Variants in CREB5 observed in about 807,000 individuals in gnomAD.
CREB5 encodes cAMP responsive element binding protein 5, also known as cyclic AMP-responsive element-binding protein 5.
In CREB5, 19 loss-of-function variants were observed where a neutral mutation model predicts 57.1. That is an observed-to-expected ratio of 0.33 (90% CI 0.23 to 0.49). CREB5 has a LOEUF of 0.49. Among genes scored for constraint, CREB5 ranks in the 20% least tolerant of loss-of-function variants. The pLI, the probability that CREB5 is intolerant of heterozygous loss-of-function variation, is 0.99. For synonymous variants in CREB5, 238 were observed against 238.3 expected, an observed-to-expected ratio of 1.00 and a Z score of 0.01; for missense variants, 579 against 671.6, an observed-to-expected ratio of 0.86 and a Z score of 1.52.
chr7:28,731,403 G>A (rs919821919), intron 7 of CREB5, among the ~76,000 whole-genome samples: 2 of 152,158 alleles, frequency 1.3e-5, no homozygotes, highest in African/African-American at 2.4e-5. Context: ...CCAAATACAC[G>A]AGAATATACA....
At chr7:28,353,592 C>T (rs11761056) in intron 1 of CREB5, among the ~76,000 whole-genome samples, 54,632 of 151,650 alleles carry the variant, frequency 0.36, 9,959 homozygotes, top group Non-Finnish European at 0.39. Flanking sequence ...ACCTGTAATC[C>T]CAGCACTTTG....
At chr7:28,710,283 A>G (rs1206591408) in intron 5 of CREB5, among the ~76,000 whole-genome samples, 3 of 152,218 alleles carry the variant, frequency 2.0e-5, no homozygotes, top group Non-Finnish European at 2.9e-5. Context: ...GAAGATATCT[A>G]TTGAACGTGA....
chr7:28,452,194 C>T (rs925622764), intron 1 of CREB5, among the ~76,000 whole-genome samples: 2 of 152,114 alleles, frequency 1.3e-5, no homozygotes, highest in Non-Finnish European at 2.9e-5. Flanking sequence ...TTCATTGTCA[C>T]CAGCCCTATC....
chr7:28,718,878 CAGTA>C lies in CREB5; in HGVS notation c.591+3_591+6del. Reference sequence around the variant, plus strand: ...CCAGGATCTTCCGCCGTCTTGATGCCAGTAAGTGTTTCTGTGTGTCTCACAATAG... The same window carrying C: ...CCAGGATCTTCCGCCGTCTTGATGCCAGTGTTTCTGTGTGTCTCACAATAG... On this transcript the variant is annotated splice_donor_variant and splice_donor_region_variant and coding_sequence_variant and intron_variant, in exon 6 of 11. Coordinates refer to ENST00000357727, the MANE Select transcript of CREB5 (RefSeq NM_182898.4). LOFTEE classifies it high-confidence loss of function. 1 of 1,614,062 alleles carries C rather than the reference CAGTA, an allele frequency of 6.2e-7. No homozygotes were observed. Among genetic ancestry groups the C allele is most frequent in the Non-Finnish European group, 8.5e-7 (1 of 1,179,936 alleles).
At chr7:28,400,572 C>T (rs1055324112) in intron 1 of CREB5, among the ~76,000 whole-genome samples, 1 of 152,104 alleles carries the variant, frequency 6.6e-6, no homozygotes, top group Non-Finnish European at 1.5e-5. Flanking sequence ...ATTTTAAAAC[C>T]AGGAAGGGGG....
At chr7:28,741,572 C>G (rs987646582) in intron 7 of CREB5, among the ~76,000 whole-genome samples, 4 of 152,110 alleles carry the variant, frequency 2.6e-5, no homozygotes, top group African/African-American at 4.8e-5. Context: ...AGCTCCATAC[C>G]AACAATTAAG....
At chr7:28,657,972 G>A (rs115700850) in intron 5 of CREB5, among the ~76,000 whole-genome samples, 39 of 152,178 alleles carry the variant, frequency 2.6e-4, no homozygotes, top group African/African-American at 9.4e-4. Flanking sequence ...ATGAACTGCT[G>A]GTTCCATTTC....
intron 1 of CREB5, among the ~76,000 whole-genome samples, chr7:28,415,273 G>A (rs2095778156): frequency 6.6e-6 from 1 of 152,096 alleles, no homozygotes; most frequent in South Asian, 2.1e-4. Context: ...GCCTCGGATT[G>A]ATAGACCAAT....
At chr7:28,698,260 A>G (rs1480685478) in intron 5 of CREB5, among the ~76,000 whole-genome samples, 1 of 151,660 alleles carries the variant, frequency 6.6e-6, no homozygotes, top group Non-Finnish European at 1.5e-5. Flanking sequence ...TTTGACAACA[A>G]CTGTATGACA....
intron 5 of CREB5, among the ~76,000 whole-genome samples, chr7:28,587,817 A>C (rs537021528): frequency 6.6e-6 from 1 of 152,192 alleles, no homozygotes; most frequent in Admixed American, 6.5e-5. Flanking sequence ...CCAGTCTCCA[A>C]CTGGATGCCC....
chr7:28,769,730 TGACCA>T (rs1806221077), intron 7 of CREB5, among the ~76,000 whole-genome samples: 2 of 152,156 alleles, frequency 1.3e-5, no homozygotes, highest in Non-Finnish European at 2.9e-5. Flanking sequence ...AGTTAGAGTA[TGACCA>T]TGGCTAAAAT....
intron 1 of CREB5, among the ~76,000 whole-genome samples, chr7:28,461,036 C>G: frequency 6.6e-6 from 1 of 151,000 alleles, no homozygotes. Context: ...CTACCAACAA[C>G]ACAAACAAAA....
chr7:28,481,075 C>T (rs1242957217), intron 1 of CREB5, among the ~76,000 whole-genome samples: 2 of 152,184 alleles, frequency 1.3e-5, no homozygotes, highest in Admixed American at 1.3e-4. Context: ...AACCACAAAC[C>T]TCTGCAGAAG....
intron 1 of CREB5, among the ~76,000 whole-genome samples, chr7:28,383,018 C>T (rs940689843): frequency 2.0e-5 from 3 of 152,116 alleles, no homozygotes; most frequent in African/African-American, 4.8e-5. Flanking sequence ...GGGATTTATA[C>T]TTAAAGTTGA....
chr7:28,678,662 A>G (rs1318159512), intron 5 of CREB5, among the ~76,000 whole-genome samples: 1 of 152,226 alleles, frequency 6.6e-6, no homozygotes, highest in Non-Finnish European at 1.5e-5. Context: ...GGAAACCAAA[A>G]TATTATGTCA....
At chr7:28,570,625 G>T (rs1238498968) in intron 5 of CREB5, 88 bp downstream of exon 5, 10 of 1,481,880 alleles carry the variant, frequency 6.7e-6, no homozygotes, top group African/African-American at 1.4e-5. Context: ...TGCTCAGATT[G>T]GTTGGTTTTT....
intron 1 of CREB5, among the ~76,000 whole-genome samples, chr7:28,459,701 C>T (rs964608452): frequency 3.3e-5 from 5 of 152,110 alleles, no homozygotes; most frequent in African/African-American, 4.8e-5. Context: ...GGCAGGGTGA[C>T]GTAAGGGGGT....
intron 5 of CREB5, among the ~76,000 whole-genome samples, chr7:28,626,023 T>A (rs77239648): frequency 0.014 from 2,063 of 152,302 alleles, 52 homozygotes; most frequent in African/African-American, 0.045. Flanking sequence ...GATAATGATA[T>A]CCTAACAGAT....
At chr7:28,323,622 T>C (rs1320482646) in intron 1 of CREB5, among the ~76,000 whole-genome samples, 1 of 152,058 alleles carries the variant, frequency 6.6e-6, no homozygotes, top group Non-Finnish European at 1.5e-5. Context: ...ATCTCCAACA[T>C]CCCTACTCTG....
Sources: allele counts gnomAD v4.1 joint callset (sites outside exome capture counted in the v4.1 genomes callset), GRCh38; gene constraint gnomAD v4.1.1; transcripts MANE v1.5; gene names NCBI Gene and HGNC (gene_info 2026-07-23, HGNC 2026-07-21).